The following FHOD3 variants were observed in gnomAD, a reference collection of about 807,000 sequenced individuals.
FHOD3 encodes formin homology 2 domain containing 3.
Under a neutral mutation model 173.0 loss-of-function variants are expected in FHOD3, and 90 were observed. The observed-to-expected ratio is 0.52, with a 90% confidence interval of 0.44 to 0.62. The LOEUF is 0.62. FHOD3 is among the 20% of genes least tolerant of loss of function. FHOD3 has a pLI of 0.00. For missense variants in FHOD3, 1,945 were observed against 2,034.7 expected (o/e 0.96, Z 0.85); for synonymous variants, 828 against 823.0 (o/e 1.01, Z -0.10).
At chr18:36,593,214 C>T (rs1251765609) in intron 6 of FHOD3, among the ~76,000 whole-genome samples, 3 of 152,150 alleles carry the variant, frequency 2.0e-5, no homozygotes, top group African/African-American at 7.2e-5. Context: ...CCATGGAGGC[C>T]ACTGGACAAG....
At chr18:36,765,991 A>G (rs941758463) in intron 27 of FHOD3, among the ~76,000 whole-genome samples, 31 of 152,162 alleles carry the variant, frequency 2.0e-4, no homozygotes, top group African/African-American at 6.5e-4. Flanking sequence ...AGGAAATCCA[A>G]GAAGAGTAAG....
In FHOD3 at chr18:36,693,258, A is replaced by G. The variant is rs993043667; in HGVS notation, c.2071A>G (p.Arg691Gly). The G allele has an allele frequency of 3.7e-6, 6 of 1,613,768 alleles. No homozygotes were observed. In the East Asian group the frequency reaches 1.3e-4, roughly 36 times the overall value. Residue 691 changes from arginine (R) to glycine (G), a missense_variant, in exon 17 of 29, where the codon AGA becomes GGA. Arg to Gly is a moderately radical substitution (Grantham distance 125). This residue lies in a region of FHOD3 where 1,099 missense variants were observed against 1,051.2 expected (regional missense o/e 1.05). Coordinates refer to ENST00000590592, the MANE Select transcript of FHOD3 (RefSeq NM_001281740.3). Reference sequence around the variant, plus strand: ...AGCTGAGGAGCACGAGAAGGAGCTGAGAAGCCGGAGTGTGAGCCGGGGCAG... The same window carrying G: ...AGCTGAGGAGCACGAGAAGGAGCTGGGAAGCCGGAGTGTGAGCCGGGGCAG... ...LAAEEHEKEL[R>G]SRSVSRGRAD...
chr18:36,299,805 G>T (rs948930786), intron 1 of FHOD3, among the ~76,000 whole-genome samples: 17 of 152,152 alleles, frequency 1.1e-4, no homozygotes, highest in African/African-American at 4.1e-4. Flanking sequence ...TGTTTTGGGG[G>T]CCAGCCAGCC....
intron 27 of FHOD3, among the ~76,000 whole-genome samples, chr18:36,764,745 C>G (rs896998379): frequency 3.9e-5 from 6 of 152,188 alleles, no homozygotes; most frequent in African/African-American, 1.4e-4. Flanking sequence ...AGTTTCTCTG[C>G]ACATTAATGC....
Position 36,625,703 on chromosome 18 carries a change from T to C in FHOD3, c.1150T>C (p.Ser384Pro). 6.2e-7 allele frequency: 1 copy of C among 1,610,160 alleles called. No individual in the cohort carries two copies. The highest frequency in any genetic ancestry group is 8.5e-7 in the Non-Finnish European group (1 of 1,177,768). The change falls in exon 10 of 29, where the codon TCA (serine) becomes CCA (proline). Residue 384 changes from serine (S) to proline (P), a missense_variant. Ser to Pro is a moderately conservative substitution (Grantham distance 74). This residue lies in a region of FHOD3 where 1,099 missense variants were observed against 1,051.2 expected (regional missense o/e 1.05). Coordinates refer to ENST00000590592, the MANE Select transcript of FHOD3 (RefSeq NM_001281740.3). The stretch of plus-strand genomic sequence containing the variant: ...GGCCCCCACCAGTCCCTGCTCCCAG[T>C]CAGCTCCCAGCTTCAAGCCCAACCA... ...LSAPTSPCSQSAPSFKPNQVR... is the reference protein window; with the variant it reads ...LSAPTSPCSQPAPSFKPNQVR...
intron 5 of FHOD3, among the ~76,000 whole-genome samples, chr18:36,559,276 G>A (rs982962373): frequency 6.6e-6 from 1 of 152,164 alleles, no homozygotes; most frequent in African/African-American, 2.4e-5. Flanking sequence ...TGACTACTCA[G>A]TAGTGTTGTT....
In FHOD3 at chr18:36,340,258, C is replaced by T. The variant is rs142719400; in HGVS notation, c.166-15281C>T. On this transcript the variant is annotated intron_variant, in intron 1 of 28. Coordinates refer to ENST00000590592, the MANE Select transcript of FHOD3 (RefSeq NM_001281740.3). ...CCAATAATTGTTCAATTTTTAAGTG[C>T]GTGAATTTGGTTATGTAGTTTAGCC... 3.9e-3 allele frequency among the ~76,000 whole-genome samples: 600 copies of T among 152,210 alleles called. 6 individuals are homozygous for T. Among genetic ancestry groups the T allele is most frequent in the Non-Finnish European group, 7.3e-3 (497 of 68,018 alleles).
intron 6 of FHOD3, among the ~76,000 whole-genome samples, chr18:36,586,704 A>ACTC (rs142545823): frequency 0.023 from 3,539 of 151,712 alleles, 147 homozygotes; most frequent in African/African-American, 0.082. Context: ...GTCAGGCTGA[A>ACTC]CTCCTGACCT....
At chr18:36,324,464 T>G (rs966882401) in intron 1 of FHOD3, among the ~76,000 whole-genome samples, 2 of 152,154 alleles carry the variant, frequency 1.3e-5, no homozygotes, top group African/African-American at 4.8e-5. Flanking sequence ...GAGAAGATAT[T>G]TATGTGTTAT....
chr18:36,728,678 G>A (rs1333009258), intron 19 of FHOD3, among the ~76,000 whole-genome samples: 7 of 152,104 alleles, frequency 4.6e-5, no homozygotes, highest in African/African-American at 1.7e-4. Flanking sequence ...AACTAAGTCT[G>A]GGAGGTTCCA....
chr18:36,330,414 G>A (rs2044927095), intron 1 of FHOD3, among the ~76,000 whole-genome samples: 1 of 152,214 alleles, frequency 6.6e-6, no homozygotes, highest in Non-Finnish European at 1.5e-5. Context: ...CATTGCCTGA[G>A]GAGAACCAGC....
At chr18:36,737,041 G>A (rs1206349248) in intron 20 of FHOD3, among the ~76,000 whole-genome samples, 2 of 152,138 alleles carry the variant, frequency 1.3e-5, no homozygotes, top group Non-Finnish European at 2.9e-5. Context: ...AAAAACAAGG[G>A]CCATCAGCTC....
intron 2 of FHOD3, among the ~76,000 whole-genome samples, chr18:36,372,225 T>C (rs939451504): frequency 2.6e-5 from 4 of 152,210 alleles, no homozygotes; most frequent in Non-Finnish European, 5.9e-5. Context: ...CAGTCTTGAA[T>C]TGATACACAG....
rs775849299 is a variant in FHOD3, at chr18:36,717,926, C to T, written c.2628C>T (p.Ala876=). ...GGTTCATGCTTGACATGCTGTATGC[C>T]CATAACAGGAAGTCTCCGGATGATG... The part of the protein sequence containing the change: ...NKRFMLDMLY[A]HNRKSPDDEE... The change falls in exon 19 of 29, where the codon GCC becomes GCT. Residue 876 remains alanine, a synonymous_variant. Transcript: ENST00000590592. The T allele has an allele frequency of 4.3e-6, 7 of 1,613,928 alleles. No homozygotes were observed. In the East Asian group the frequency reaches 1.6e-4, roughly 36 times the overall value.
chr18:36,732,333 A>G (rs2041406877), intron 20 of FHOD3, among the ~76,000 whole-genome samples: 1 of 152,124 alleles, frequency 6.6e-6, no homozygotes. Flanking sequence ...GTGGCGTTTT[A>G]TTATGGCACC....
At chr18:36,698,839 G>T (rs1227374546) in intron 17 of FHOD3, among the ~76,000 whole-genome samples, 1 of 152,204 alleles carries the variant, frequency 6.6e-6, no homozygotes, top group Non-Finnish European at 1.5e-5. Flanking sequence ...CCAAGCCTCA[G>T]TTCCCACAGG....
At chr18:36,361,538 T>C (rs182279188) in intron 2 of FHOD3, among the ~76,000 whole-genome samples, 1 of 151,768 alleles carries the variant, frequency 6.6e-6, no homozygotes, top group Admixed American at 6.6e-5. Context: ...TACAAAAAAT[T>C]AGCTGGGCGT....
chr18:36,633,561 G>A (rs1217975304), intron 10 of FHOD3, among the ~76,000 whole-genome samples: 1 of 152,172 alleles, frequency 6.6e-6, no homozygotes, highest in Non-Finnish European at 1.5e-5. Flanking sequence ...CATTTTACAG[G>A]TGAGGAAACC....
At position 36,656,266 on chromosome 18, in the gene FHOD3, T is replaced by C. The variant is rs75981834; in HGVS notation, c.1722-1809T>C. Among the ~76,000 whole-genome samples the C allele has an allele frequency of 2.4e-4, 37 of 152,316 alleles. 1 individual carries two copies. The East Asian group carries it at 6.2e-3, about 25-fold the overall frequency. ...TTTGTGCTTCCTATGTGGCCTGTGG[T>C]TTGGGAACCCTGTTGAAAAATTAAA... On this transcript the variant is annotated intron_variant, in intron 13 of 28. Coordinates refer to ENST00000590592, the MANE Select transcript of FHOD3 (RefSeq NM_001281740.3).
Sources: allele counts gnomAD v4.1 joint callset (sites outside exome capture counted in the v4.1 genomes callset), GRCh38; gene constraint gnomAD v4.1.1; regional missense constraint gnomAD v4.1.1; transcripts MANE v1.5; gene names NCBI Gene and HGNC (gene_info 2026-07-23, HGNC 2026-07-21).